Variants in UST observed in about 807,000 individuals in gnomAD.
The protein encoded by UST is uronyl 2-sulfotransferase.
In UST, 21 loss-of-function variants were observed where a neutral mutation model predicts 45.6. The ratio of observed to expected loss-of-function variants is 0.46; its 90% CI spans 0.33 to 0.66. UST has a LOEUF of 0.66. Ranked by LOEUF, UST falls within the 30% of genes least tolerant of loss-of-function variation. The pLI is 0.02. For missense variants in UST, 463 were observed against 512.4 expected, an observed-to-expected ratio of 0.90 and a Z score of 0.93; for synonymous variants, 215 against 200.6, an observed-to-expected ratio of 1.07 and a Z score of -0.61.
At chr6:149,073,723 G>C (rs1776849889) in intron 7 of UST, 110 bp from the exon 8 acceptor site, 2 of 1,291,926 alleles carry the variant, frequency 1.5e-6, no homozygotes, top group South Asian at 2.9e-5. Flanking sequence ...TGGATATGCA[G>C]TTGCTTCCTT....
chr6:149,044,695 C>T (rs992170998), intron 7 of UST, among the ~76,000 whole-genome samples: 8 of 152,270 alleles, frequency 5.3e-5, no homozygotes, highest in Middle Eastern at 3.4e-3. Context: ...CAGCTTAATA[C>T]CACCAGAGAC....
intron 5 of UST, among the ~76,000 whole-genome samples, chr6:148,970,539 A>T (rs749507733): frequency 2.6e-5 from 4 of 152,174 alleles, no homozygotes; most frequent in African/African-American, 9.7e-5. Flanking sequence ...TTACCTCTGT[A>T]TCAGGAGCCA....
intron 1 of UST, among the ~76,000 whole-genome samples, chr6:148,791,832 C>G (rs9390609): frequency 0.089 from 13,536 of 152,144 alleles, 1,130 homozygotes; most frequent in East Asian, 0.49. Context: ...TACATGGGAA[C>G]TCATATCTAT....
At chr6:148,957,001 G>C (rs1409579556) in intron 4 of UST, among the ~76,000 whole-genome samples, 15 of 152,168 alleles carry the variant, frequency 9.9e-5, no homozygotes, top group Non-Finnish European at 1.5e-5. Flanking sequence ...ACAAGTGAAG[G>C]GGGAGAGCAT....
At chr6:148,915,520 T>A (rs1465717039) in intron 2 of UST, among the ~76,000 whole-genome samples, 1 of 140,142 alleles carries the variant, frequency 7.1e-6, no homozygotes, top group Non-Finnish European at 1.6e-5. Context: ...AAAATGGCAA[T>A]TCATACCTTC....
chr6:149,054,507 G>A (rs985132030), intron 7 of UST, among the ~76,000 whole-genome samples: 7 of 152,150 alleles, frequency 4.6e-5, no homozygotes, highest in Non-Finnish European at 8.8e-5. Flanking sequence ...CTTACAGGCT[G>A]GAGTTGGGGG....
intron 3 of UST, among the ~76,000 whole-genome samples, chr6:148,942,821 T>C (rs1780155426): frequency 6.6e-6 from 1 of 152,198 alleles, no homozygotes; most frequent in African/African-American, 2.4e-5. Flanking sequence ...AATTGCCCAC[T>C]CCTTTGCAAA....
chr6:148,913,889 T>C (rs772513632), intron 2 of UST, among the ~76,000 whole-genome samples: 2 of 152,202 alleles, frequency 1.3e-5, no homozygotes, highest in Admixed American at 6.5e-5. Flanking sequence ...ATTAATCTTC[T>C]AGCTGCACTG....
intron 7 of UST, 21 bp from the exon 8 acceptor site, chr6:149,073,812 G>A: frequency 6.2e-7 from 1 of 1,606,950 alleles, no homozygotes; most frequent in Non-Finnish European, 8.5e-7. Flanking sequence ...TGGCTCATGT[G>A]CGACCCCGGT....
In UST at chr6:148,870,104, TCACACACACACACACACA is replaced by T. The variant is rs60229120; in HGVS notation, c.248-16861_248-16844del. ...CCCCCAGCTTCACAGTGGTAATGTT[TCACACACACACACACACA>T]CACACACACACACACACACAGTGGC... On this transcript the variant is annotated intron_variant, in intron 1 of 7. Coordinates refer to ENST00000367463, the MANE Select transcript of UST (RefSeq NM_005715.3). Among the ~76,000 whole-genome samples, 958 of 141,550 alleles carry T rather than the reference TCACACACACACACACACA, an allele frequency of 6.8e-3. 8 individuals carry two copies. Among genetic ancestry groups the T allele is most frequent in the African/African-American group, 0.023 (845 of 37,290 alleles). The allele number at this position is 141,550 out of a possible 152,430, so 92.9% of individuals were successfully genotyped here. A position where few individuals can be genotyped will look rare whatever the true frequency, so the allele number is the denominator to read the frequency against.
chr6:148,773,812 A>G (rs1160959150), intron 1 of UST, among the ~76,000 whole-genome samples: 1 of 152,180 alleles, frequency 6.6e-6, no homozygotes, highest in African/African-American at 2.4e-5. Context: ...GGCGCCATGA[A>G]CGCAAAGACT....
rs550039448 is a variant in UST at position 148,832,889 on chromosome 6, C to G, written c.248-54097C>G. On this transcript the variant is annotated intron_variant, in intron 1 of 7. Coordinates refer to ENST00000367463, the MANE Select transcript of UST (RefSeq NM_005715.3). ...TGCTTCTTAAAATTAACAAGCAATG[C>G]CAAGACAGTATTGTATTTCTATCTT... is the stretch of plus-strand genomic sequence containing the variant. Among the ~76,000 whole-genome samples, 5 of 152,268 alleles carry G rather than the reference C, an allele frequency of 3.3e-5. No individual in the cohort carries two copies. In the South Asian group the frequency reaches 1.0e-3, roughly 32 times the overall value.
At chr6:148,775,326 C>T (rs1049822327) in intron 1 of UST, among the ~76,000 whole-genome samples, 1 of 152,036 alleles carries the variant, frequency 6.6e-6, no homozygotes, top group East Asian at 1.9e-4. Flanking sequence ...TGTCGCCCAG[C>T]GTGAGAGGTT....
intron 1 of UST, among the ~76,000 whole-genome samples, chr6:148,855,181 G>A (rs1211791411): frequency 6.6e-6 from 1 of 152,182 alleles, no homozygotes; most frequent in Non-Finnish European, 1.5e-5. Flanking sequence ...TGACACGTGG[G>A]ACCTGTGGGA....
intron 1 of UST, among the ~76,000 whole-genome samples, chr6:148,827,915 A>G (rs1777605557): frequency 6.6e-6 from 1 of 152,070 alleles, no homozygotes; most frequent in African/African-American, 2.4e-5. Context: ...GACTTTTTGA[A>G]GTGATTGGAT....
chr6:149,009,590 G>C (rs1041834070), intron 5 of UST, among the ~76,000 whole-genome samples: 2 of 121,636 alleles, frequency 1.6e-5, no homozygotes, highest in Non-Finnish European at 3.7e-5. Flanking sequence ...CACATAGACA[G>C]ACACACATCA....
chr6:148,944,508 T>TATAC (rs146285782), intron 3 of UST, among the ~76,000 whole-genome samples: 1 of 142,544 alleles, frequency 7.0e-6, no homozygotes, highest in African/African-American at 2.6e-5. Flanking sequence ...GTTGTGATCA[T>TATAC]ACACACACAC....
chr6:148,847,253 C>T (rs1317570999), intron 1 of UST, among the ~76,000 whole-genome samples: 3 of 152,222 alleles, frequency 2.0e-5, no homozygotes, highest in Non-Finnish European at 4.4e-5. Flanking sequence ...GAGTCTTCTG[C>T]TTCACAAGGC....
chr6:148,978,690 G>A (rs1020597368), intron 5 of UST, among the ~76,000 whole-genome samples: 1 of 152,090 alleles, frequency 6.6e-6, no homozygotes, highest in Non-Finnish European at 1.5e-5. Context: ...GGGGAAAGGG[G>A]AGGGAGAGCA....
Sources: gnomAD v4.1 joint callset for allele counts (sites outside exome capture counted in the v4.1 genomes callset) on GRCh38, gnomAD v4.1.1 for gene constraint, MANE v1.5 for transcripts, NCBI Gene and HGNC (gene_info 2026-07-23, HGNC 2026-07-21) for gene names.